The following TENM2 variants were observed in gnomAD, a reference collection of about 807,000 sequenced individuals.
The protein encoded by TENM2 is teneurin-2.
In TENM2, 52 loss-of-function variants were observed where a neutral mutation model predicts 245.2. That is an observed-to-expected ratio of 0.21 (90% CI 0.17 to 0.27). TENM2 has a LOEUF of 0.27. TENM2 is among the 10% of genes least tolerant of loss of function. TENM2 has a pLI of 1.00. For synonymous variants in TENM2, 1,363 were observed against 1,438.9 expected (o/e 0.95, Z 1.19); for missense variants, 3,046 against 3,666.8 (o/e 0.83, Z 4.37).
intron 2 of TENM2, among the ~76,000 whole-genome samples, chr5:167,462,905 G>A (rs549157199): frequency 1.4e-4 from 21 of 152,064 alleles, no homozygotes; most frequent in South Asian, 6.2e-4. Context: ...AAGTATTTCC[G>A]TTTCCTGTCT....
At chr5:167,743,318 G>A (rs1033487614) in intron 2 of TENM2, among the ~76,000 whole-genome samples, 1 of 152,092 alleles carries the variant, frequency 6.6e-6, no homozygotes, top group Non-Finnish European at 1.5e-5. Flanking sequence ...GAAAACATGG[G>A]GACTGAGGGC....
the TENM2 span, among the ~76,000 whole-genome samples, chr5:167,023,817 A>G: frequency 2.0e-5 from 3 of 152,212 alleles, no homozygotes; most frequent in African/African-American, 7.2e-5. Flanking sequence ...ATGTAAGTCT[A>G]TAAGTCTAGA....
At chr5:168,123,665 C>A (rs548740548) in intron 10 of TENM2, among the ~76,000 whole-genome samples, 1 of 152,212 alleles carries the variant, frequency 6.6e-6, no homozygotes, top group Non-Finnish European at 1.5e-5. Flanking sequence ...TCTGGGCCAA[C>A]AGGCCTGATT....
intron 2 of TENM2, among the ~76,000 whole-genome samples, chr5:167,570,592 G>T (rs567074790): frequency 6.6e-6 from 1 of 151,664 alleles, no homozygotes; most frequent in South Asian, 2.1e-4. Context: ...TTCTTGAGAA[G>T]GGGAAAGGCG....
intron 2 of TENM2, among the ~76,000 whole-genome samples, chr5:167,472,582 T>C (rs1767103897): frequency 6.6e-6 from 1 of 152,198 alleles, no homozygotes; most frequent in African/African-American, 2.4e-5. Context: ...CTTGGTTGCC[T>C]TAGAGTGACC....
chr5:167,744,140 C>G (rs1281849249), intron 2 of TENM2, among the ~76,000 whole-genome samples: 1 of 152,172 alleles, frequency 6.6e-6, no homozygotes, highest in East Asian at 1.9e-4. Context: ...ATGCTAACAA[C>G]AAATTCATGG....
chr5:167,662,070 A>T (rs982314125), intron 2 of TENM2, among the ~76,000 whole-genome samples: 1 of 152,228 alleles, frequency 6.6e-6, no homozygotes, highest in Non-Finnish European at 1.5e-5. Flanking sequence ...TAAAGGATAT[A>T]GAGTGGGGTG....
intron 2 of TENM2, among the ~76,000 whole-genome samples, chr5:167,459,801 C>T (rs1328429781): frequency 2.6e-5 from 4 of 151,946 alleles, no homozygotes. Flanking sequence ...CCAATGTGAC[C>T]CATAAGTAAA....
intron 13 of TENM2, among the ~76,000 whole-genome samples, chr5:168,183,481 C>T (rs1044040323): frequency 1.6e-4 from 25 of 152,158 alleles, no homozygotes; most frequent in African/African-American, 6.0e-4. Context: ...AAAACCAATC[C>T]TATGGTTCCC....
At chr5:167,780,015 T>G (rs1764082465) in intron 2 of TENM2, among the ~76,000 whole-genome samples, 1 of 152,068 alleles carries the variant, frequency 6.6e-6, no homozygotes, top group African/African-American at 2.4e-5. Flanking sequence ...CCCAAATTTG[T>G]AGAGAGAAGG....
chr5:168,107,357 G>A (rs1794328752), intron 9 of TENM2, among the ~76,000 whole-genome samples: 1 of 152,078 alleles, frequency 6.6e-6, no homozygotes, highest in Admixed American at 6.6e-5. Flanking sequence ...AAGCTCTTAG[G>A]GGCATGTCAC....
intron 2 of TENM2, among the ~76,000 whole-genome samples, chr5:167,593,646 T>C (rs997828702): frequency 6.6e-6 from 1 of 152,222 alleles, no homozygotes; most frequent in African/African-American, 2.4e-5. Context: ...CAAATATTTA[T>C]CCTTATCTTC....
intron 2 of TENM2, among the ~76,000 whole-genome samples, chr5:167,669,621 A>G (rs1475032807): frequency 6.6e-6 from 1 of 151,982 alleles, no homozygotes; most frequent in Non-Finnish European, 1.5e-5. Flanking sequence ...ATTCCTGTAA[A>G]CAGCAGTGAC....
intron 2 of TENM2, among the ~76,000 whole-genome samples, chr5:167,546,355 C>T (rs1211960768): frequency 6.6e-6 from 1 of 152,112 alleles, no homozygotes; most frequent in Non-Finnish European, 1.5e-5. Context: ...GAGTCATTGT[C>T]TACTGGAATT....
intron 5 of TENM2, among the ~76,000 whole-genome samples, chr5:168,006,945 T>C (rs991817492): frequency 3.3e-5 from 5 of 152,170 alleles, no homozygotes; most frequent in Non-Finnish European, 7.3e-5. Flanking sequence ...ATCAGGATGG[T>C]TTGGGGTCGT....
rs936762261 is a variant in TENM2, at chr5:168,151,700, C to T, written c.2423-10911C>T. On this transcript the variant is annotated intron_variant, in intron 12 of 28. Transcript: ENST00000518659. ...ACCTTCACTATTCCAAGTACTGCCA[C>T]ATGGTGACTGAGGTGACCTGATGCA... 1.3e-4 allele frequency among the ~76,000 whole-genome samples: 20 copies of T among 152,334 alleles called. No individual in the cohort carries two copies. In the South Asian group the frequency reaches 2.3e-3, roughly 17 times the overall value.
chr5:168,008,649 T>A (rs1260179023), intron 5 of TENM2, among the ~76,000 whole-genome samples: 1 of 152,150 alleles, frequency 6.6e-6, no homozygotes, highest in Non-Finnish European at 1.5e-5. Context: ...GAGATTTCTT[T>A]CAAAGAAAAG....
chr5:167,583,397 A>G (rs942073279), intron 2 of TENM2, among the ~76,000 whole-genome samples: 31 of 151,858 alleles, frequency 2.0e-4, no homozygotes, highest in Non-Finnish European at 5.9e-5. Flanking sequence ...AAGTGCCTAA[A>G]GGTGAATAGT....
chr5:168,049,029 A>C (rs1788853805), intron 6 of TENM2, among the ~76,000 whole-genome samples: 1 of 152,212 alleles, frequency 6.6e-6, no homozygotes, highest in African/African-American at 2.4e-5. Flanking sequence ...GGTCACCTCC[A>C]GTACTTGACA....
Sources: allele counts gnomAD v4.1 joint callset (sites outside exome capture counted in the v4.1 genomes callset), GRCh38; gene constraint gnomAD v4.1.1; transcripts MANE v1.5; gene names NCBI Gene and HGNC (gene_info 2026-07-23, HGNC 2026-07-21).